MAN2B2: variants seen among roughly 807,000 people sequenced by gnomAD.
MAN2B2 encodes the protein epididymis-specific alpha-mannosidase.
In MAN2B2, 106 loss-of-function variants were observed where a neutral mutation model predicts 117.1. The observed-to-expected ratio is 0.90, with a 90% CI of 0.77 to 1.06. The LOEUF is 1.06. Among genes scored for constraint, MAN2B2 ranks in the 50% least tolerant of loss-of-function variants. The pLI, the probability that MAN2B2 is intolerant of heterozygous loss-of-function variation, is 0.00. For missense variants in MAN2B2, 1,326 were observed against 1,381.4 expected (o/e 0.96, Z 0.64); for synonymous variants, 544 against 595.1 (o/e 0.91, Z 1.25).
At chr4:6,599,060 C>T (rs932184013) in intron 9 of MAN2B2, among the ~76,000 whole-genome samples, 2 of 152,238 alleles carry the variant, frequency 1.3e-5, no homozygotes, top group Non-Finnish European at 2.9e-5. Context: ...CCGCCAGGTC[C>T]CACCCACAGC....
At chr4:6,579,199 CA>C (rs1160394986) in intron 3 of MAN2B2, among the ~76,000 whole-genome samples, 3 of 81,110 alleles carry the variant, frequency 3.7e-5, no homozygotes, top group Admixed American at 1.2e-4. Flanking sequence ...CCAGCACCAC[CA>C]CCATCACCAT....
chr4:6,576,483 C>T (rs1183801320), intron 1 of MAN2B2, 95 bp from the exon 2 acceptor site: 3 of 1,475,870 alleles, frequency 2.0e-6, no homozygotes, highest in Non-Finnish European at 2.8e-6. Flanking sequence ...GGCAGAGCCC[C>T]CAACCCCATG....
chr4:6,579,204 TCACCATCACCACCACCACCACCAC>T (rs1726268532), intron 3 of MAN2B2, among the ~76,000 whole-genome samples: 1 of 25,718 alleles, frequency 3.9e-5, no homozygotes, highest in African/African-American at 1.3e-4. Context: ...ACCACCACCA[TCACCATCACCACCACCACCACCAC>T]CATCACCACC....
In MAN2B2 at chr4:6,609,097, G is replaced by T. The variant is rs1727657216; in HGVS notation, c.1815-10G>T. The stretch of plus-strand genomic sequence containing the variant: ...ATGAGAATGACATCTTCTCTCTCCT[G>T]CCTCTGCAGACAGAGTAACCGAACG... On this transcript the variant is annotated splice_polypyrimidine_tract_variant and intron_variant, in intron 11 of 18. Transcript: ENST00000285599. 6.2e-7 allele frequency: 1 copy of T among 1,610,066 alleles called. No individual in the cohort carries two copies. The highest frequency in any genetic ancestry group is 1.3e-5 in the African/African-American group (1 of 74,896).
chr4:6,579,037 C>T (rs1726192326), intron 3 of MAN2B2, among the ~76,000 whole-genome samples: 1 of 103,048 alleles, frequency 9.7e-6, no homozygotes, highest in Non-Finnish European at 1.9e-5. Flanking sequence ...TCACCACTAC[C>T]ACCATCACCA....
chr4:6,609,363 G>A, intron 12 of MAN2B2, 65 bp downstream of exon 12: 2 of 1,492,134 alleles, frequency 1.3e-6, no homozygotes, highest in East Asian at 2.3e-5. Flanking sequence ...AGGCAGCTCA[G>A]TGAATGAGGG....
intron 17 of MAN2B2, chr4:6,619,647 G>A (rs1267152176): frequency 2.8e-5 from 10 of 357,970 alleles, no homozygotes; most frequent in Admixed American, 4.3e-5. Context: ...GGGGTGGGCA[G>A]CTCAAAATGC....
At position 6,593,186 on chromosome 4, in the gene MAN2B2, T is replaced by C; in HGVS notation, c.694T>C (p.Trp232Arg). ...IPFSNRSGFY[W>R]NGVAVFPKPP... is the part of the protein sequence containing the mutation. ...GCCCTCGCACAGGTCAGGATTTTACTGGAATGGCGTGGCTGTCTTCCCCAA... is the reference window on the plus strand; with the variant it reads ...GCCCTCGCACAGGTCAGGATTTTACCGGAATGGCGTGGCTGTCTTCCCCAA... The change falls in exon 6 of 19, where the codon TGG becomes CGG. Residue 232 changes from tryptophan to arginine, a missense_variant. By Grantham distance (101) the Trp-to-Arg change is moderately radical (BLOSUM62 -3). Coordinates refer to ENST00000285599, the MANE Select transcript of MAN2B2 (RefSeq NM_015274.3). The C allele has an allele frequency of 1.9e-6, 3 of 1,613,764 alleles. No homozygotes were observed. The highest frequency in any genetic ancestry group is 2.5e-6 in the Non-Finnish European group (3 of 1,179,830).
intron 7 of MAN2B2, among the ~76,000 whole-genome samples, chr4:6,595,898 C>T (rs1727057828): frequency 6.6e-6 from 1 of 152,178 alleles, no homozygotes; most frequent in Admixed American, 6.5e-5. Context: ...GCTGCATAGT[C>T]CCCGGCTCCT....
rs139602555 is a variant in MAN2B2 at position 6,605,230 on chromosome 4, G to A, written c.1715G>A (p.Arg572His). 1,080 of 1,614,190 alleles carry A rather than the reference G, an allele frequency of 6.7e-4. 15 individuals carry two copies. The East Asian group carries it at 0.021, about 31-fold the overall frequency. ...CAATTTGGCCGCAGGCTGAGGAGAC[G>A]CACCAGCCATGCGGGCAGGTACTTG... is the stretch of plus-strand genomic sequence containing the variant. The part of the protein sequence containing the change: ...TLQFGRRLRR[R>H]TSHAGRYLVP... The change falls in exon 11 of 19, where the codon CGC becomes CAC. Residue 572 changes from arginine (R) to histidine (H), a missense_variant. Physicochemically the swap from Arg to His is conservative, Grantham distance 29. Coordinates refer to ENST00000285599, the MANE Select transcript of MAN2B2 (RefSeq NM_015274.3).
At position 6,609,218 on chromosome 4, in the gene MAN2B2, C is replaced by T. The variant is rs1257353772; in HGVS notation, c.1926C>T (p.Ala642=). The T allele has an allele frequency of 8.1e-6, 13 of 1,614,212 alleles. No individual in the cohort carries two copies. The highest frequency in any genetic ancestry group is 2.2e-5 in the South Asian group (2 of 91,084). ...SDNYLFTPGK[A]AVPAWEAVEM... is the part of the protein sequence containing the mutation. ...ACTACCTGTTCACACCGGGCAAGGC[C>T]GCGGTGCCTGCGTGGGAAGCTGTGG... is the stretch of plus-strand genomic sequence containing the variant. Residue 642 remains alanine (A), a synonymous_variant, in exon 12 of 19, where the codon GCC becomes GCT. Transcript: ENST00000285599.
intron 10 of MAN2B2, 128 bp from the exon 11 acceptor site, chr4:6,604,927 G>C (rs1036819337): frequency 1.7e-6 from 2 of 1,144,110 alleles, no homozygotes; most frequent in Non-Finnish European, 2.5e-6. Context: ...CAGAACTGGG[G>C]GCAGGGAGGA....
At position 6,576,591 on chromosome 4, in the gene MAN2B2, C is replaced by T. The variant is rs373968368; in HGVS notation, c.152C>T (p.Ala51Val). 51 of 1,612,934 alleles carry T rather than the reference C, an allele frequency of 3.2e-5. No homozygotes were observed. Among genetic ancestry groups the T allele is most frequent in the East Asian group, 6.7e-5 (3 of 44,866 alleles). Residue 51 changes from alanine to valine, a missense_variant, in exon 2 of 19, where the codon GCG (alanine) becomes GTG (valine). Coordinates refer to ENST00000285599, the MANE Select transcript of MAN2B2 (RefSeq NM_015274.3). ...TCCCCTCCCCAGGAAAGCATGCGGG[C>T]GTACGCCGCCAATGTCTACACCTCA... ...WVYTVQESMRAYAANVYTSVV... is the reference protein window; with the variant it reads ...WVYTVQESMRVYAANVYTSVV...
At chr4:6,599,240 G>T (rs1396803289) in intron 9 of MAN2B2, among the ~76,000 whole-genome samples, 4 of 152,140 alleles carry the variant, frequency 2.6e-5, no homozygotes, top group Admixed American at 2.6e-4. Flanking sequence ...TGGGACTACA[G>T]GCATGCACTA....
At chr4:6,601,680 G>C (rs1470275976) in intron 10 of MAN2B2, among the ~76,000 whole-genome samples, 1 of 152,200 alleles carries the variant, frequency 6.6e-6, no homozygotes, top group East Asian at 1.9e-4. Flanking sequence ...CATAAGCTCA[G>C]ATAAGGTTGG....
chr4:6,593,835 C>T lies in MAN2B2; in HGVS notation c.858+485C>T, dbSNP rs1236744747. ...ATATTTGTCTCAGCCATCTAATTTG[C>T]ACCACTGGGCCTAGGAAGCAGGCTG... On this transcript the variant is annotated intron_variant, in intron 6 of 18. Coordinates refer to ENST00000285599, the MANE Select transcript of MAN2B2 (RefSeq NM_015274.3). Among the ~76,000 whole-genome samples, 6 of 152,176 alleles carry T rather than the reference C, an allele frequency of 3.9e-5. No homozygotes were observed. The East Asian group carries it at 5.8e-4, about 15-fold the overall frequency.
intron 3 of MAN2B2, among the ~76,000 whole-genome samples, chr4:6,586,461 G>A (rs1286425898): frequency 3.3e-5 from 5 of 152,150 alleles, no homozygotes; most frequent in Non-Finnish European, 7.3e-5. Flanking sequence ...CAAAATCAGT[G>A]CTCTATCCAA....
At chr4:6,601,487 T>G (rs1727328475) in intron 10 of MAN2B2, among the ~76,000 whole-genome samples, 3 of 139,082 alleles carry the variant, frequency 2.2e-5, no homozygotes, top group Admixed American at 7.4e-5. Flanking sequence ...GCAACAAGAG[T>G]GAGACTCCAT....
chr4:6,582,577 T>C (rs955648512), intron 3 of MAN2B2, among the ~76,000 whole-genome samples: 1 of 151,786 alleles, frequency 6.6e-6, no homozygotes. Context: ...TGACCTCAAG[T>C]GATCCGCCCA....
Sources: allele counts gnomAD v4.1 joint callset (sites outside exome capture counted in the v4.1 genomes callset), GRCh38; gene constraint gnomAD v4.1.1; transcripts MANE v1.5; gene names NCBI Gene and HGNC (gene_info 2026-07-23, HGNC 2026-07-21).